Variants in MS4A8 observed in about 807,000 individuals in gnomAD.
MS4A8 encodes membrane-spanning 4-domains subfamily A member 8.
In MS4A8, 27 loss-of-function variants were observed where a neutral mutation model predicts 23.7. That is an observed-to-expected ratio of 1.14 (90% CI 0.84 to 1.57). The LOEUF (loss-of-function observed/expected upper bound fraction) is 1.57. Ranked by LOEUF, MS4A8 falls within the 40% of genes most tolerant of loss-of-function variation. The pLI is 0.00. For missense variants in MS4A8, 301 were observed against 311.4 expected (o/e 0.97, Z 0.25); for synonymous variants, 138 against 126.3 (o/e 1.09, Z -0.62).
intron 3 of MS4A8, among the ~76,000 whole-genome samples, chr11:60,706,512 C>T (rs994710280): frequency 2.6e-5 from 4 of 152,160 alleles, no homozygotes; most frequent in African/African-American, 7.2e-5. Flanking sequence ...CTTCTCCCCT[C>T]CAGAGCCCCC....
chr11:60,710,570 C>T (rs895183774), intron 5 of MS4A8, among the ~76,000 whole-genome samples: 2 of 152,148 alleles, frequency 1.3e-5, no homozygotes, highest in African/African-American at 2.4e-5. Context: ...CCTGAGCCAC[C>T]GCATCTCTCA....
In MS4A8 at chr11:60,714,915, G is replaced by A. The variant is rs1327864451; in HGVS notation, c.535-106G>A. ...CCCCCCACGAGGCTGAGAGAGGATA[G>A]GGGACTTCCGCAAAGCCACAAAGAG... On this transcript the variant is annotated intron_variant, in intron 5 of 6. Coordinates refer to ENST00000300226, the MANE Select transcript of MS4A8 (RefSeq NM_031457.2). The A allele has an allele frequency of 5.1e-6, 4 of 782,108 alleles. No homozygotes were observed. In the East Asian group the frequency reaches 9.9e-5, roughly 19 times the overall value. 48.4% of individuals were successfully genotyped at this position (782,108 alleles called of 1,614,324 possible). A position where few individuals can be genotyped will look rare whatever the true frequency, so the allele number is the denominator to read the frequency against.
chr11:60,708,401 C>G (rs2088275188), intron 4 of MS4A8, among the ~76,000 whole-genome samples: 3 of 152,134 alleles, frequency 2.0e-5, no homozygotes, highest in Admixed American at 2.0e-4. Flanking sequence ...CTGGGATTCA[C>G]ATTAAGAAAC....
chr11:60,708,585 G>A lies in MS4A8; in HGVS notation c.403-65G>A, dbSNP rs1049372578. 4 of 1,442,870 alleles carry A rather than the reference G, an allele frequency of 2.8e-6. No individual in the cohort carries two copies. The Admixed American group carries it at 7.8e-5, about 28-fold the overall frequency. The allele number at this position is 1,442,870 out of a possible 1,614,324, so 89.4% of individuals were successfully genotyped here. A position where few individuals can be genotyped will look rare whatever the true frequency, so the allele number is the denominator to read the frequency against. On this transcript the variant is annotated intron_variant, in intron 4 of 6. Coordinates refer to ENST00000300226, the MANE Select transcript of MS4A8 (RefSeq NM_031457.2). ...TGGGGGGAAAAAGAAACACTTGTTG[G>A]GTCTCCATTCATCTCAGCTATAACA...
At chr11:60,704,812 CCA>C (rs759471971) in intron 3 of MS4A8, among the ~76,000 whole-genome samples, 2,078 of 138,264 alleles carry the variant, frequency 0.015, 29 homozygotes, top group African/African-American at 0.04. Context: ...GTCCCCCTGC[CCA>C]CACACACACA....
chr11:60,714,556 G>A (rs2088326155), intron 5 of MS4A8, among the ~76,000 whole-genome samples: 1 of 152,084 alleles, frequency 6.6e-6, no homozygotes, highest in African/African-American at 2.4e-5. Flanking sequence ...CTTGCTTTGG[G>A]AAGTCTTCAT....
chr11:60,710,742 G>T (rs1293336894), intron 5 of MS4A8, among the ~76,000 whole-genome samples: 1 of 152,156 alleles, frequency 6.6e-6, no homozygotes, highest in Non-Finnish European at 1.5e-5. Flanking sequence ...CCTTCCAGCA[G>T]CCTGAAGATG....
intron 5 of MS4A8, among the ~76,000 whole-genome samples, chr11:60,709,839 C>A (rs79377023): frequency 0.046 from 6,971 of 152,230 alleles, 506 homozygotes; most frequent in African/African-American, 0.16. Flanking sequence ...CAAACCAACC[C>A]ACCTCCTCTT....
intron 5 of MS4A8, among the ~76,000 whole-genome samples, chr11:60,710,563 G>A (rs1033777134): frequency 1.3e-5 from 2 of 152,048 alleles, no homozygotes; most frequent in African/African-American, 4.8e-5. Context: ...ACGCTGGCCT[G>A]AGCCACCGCA....
intron 5 of MS4A8, among the ~76,000 whole-genome samples, chr11:60,710,365 C>T (rs980562075): frequency 6.6e-6 from 1 of 152,228 alleles, no homozygotes; most frequent in African/African-American, 2.4e-5. Flanking sequence ...CAAACCTTCT[C>T]TACTCAGTTT....
chr11:60,705,223 G>A (rs1207954625), intron 3 of MS4A8, among the ~76,000 whole-genome samples: 1 of 152,188 alleles, frequency 6.6e-6, no homozygotes, highest in South Asian at 2.1e-4. Flanking sequence ...ACCTGTTCCT[G>A]TATCTCTGAC....
chr11:60,713,673 C>G (rs7103200), intron 5 of MS4A8, among the ~76,000 whole-genome samples: 6,945 of 151,916 alleles, frequency 0.046, 500 homozygotes, highest in African/African-American at 0.16. Flanking sequence ...CTGCAAAGAG[C>G]CGTTCCTTCC....
At chr11:60,703,525 G>A (rs747861551) in intron 3 of MS4A8, 25 bp downstream of exon 3, 11 of 1,603,604 alleles carry the variant, frequency 6.9e-6, no homozygotes, top group South Asian at 6.7e-5. Flanking sequence ...TCCTCCTGCC[G>A]ATGAGCTCCC....
intron 4 of MS4A8, among the ~76,000 whole-genome samples, 197 bp from the exon 5 acceptor site, chr11:60,708,453 G>A (rs2088275630): frequency 6.6e-6 from 1 of 152,176 alleles, no homozygotes; most frequent in African/African-American, 2.4e-5. Context: ...TGGTGGCAAT[G>A]GTTGCACAGC....
At chr11:60,700,528 A>G (rs2088193665) in intron 1 of MS4A8, among the ~76,000 whole-genome samples, 1 of 152,144 alleles carries the variant, frequency 6.6e-6, no homozygotes, top group African/African-American at 2.4e-5. Flanking sequence ...CCTGGGTGAC[A>G]GAGCCAGACT....
chr11:60,713,331 C>T (rs1456152582), intron 5 of MS4A8, among the ~76,000 whole-genome samples: 1 of 152,146 alleles, frequency 6.6e-6, no homozygotes, highest in African/African-American at 2.4e-5. Flanking sequence ...AGAGGATCCA[C>T]GTGGGCACTG....
chr11:60,711,248 A>G (rs2088297757), intron 5 of MS4A8, among the ~76,000 whole-genome samples: 1 of 152,240 alleles, frequency 6.6e-6, no homozygotes, highest in Non-Finnish European at 1.5e-5. Flanking sequence ...TGAATGTGCC[A>G]GCTGTGATGC....
At position 60,703,415 on chromosome 11, in the gene MS4A8, T is replaced by C. The variant is rs1426650008; in HGVS notation, c.257T>C (p.Leu86Pro). 1 of 1,604,432 alleles carries C rather than the reference T, an allele frequency of 6.2e-7. No homozygotes were observed. Among genetic ancestry groups the C allele is most frequent in the Admixed American group, 1.7e-5 (1 of 58,376 alleles). ...QIIIGLAHIGLGSIMATVLVG... is the reference protein window; with the variant it reads ...QIIIGLAHIGPGSIMATVLVG... ...ATCATTGGCCTGGCTCACATCGGCC[T>C]CGGCTCCATCATGGCGACGGTTCTC... Residue 86 changes from leucine to proline, a missense_variant, in exon 3 of 7, where the codon CTC becomes CCC. By Grantham distance (98) the Leu-to-Pro change is moderately conservative. Transcript: ENST00000300226.
chr11:60,704,155 C>G (rs778923555), intron 3 of MS4A8, among the ~76,000 whole-genome samples: 29 of 133,958 alleles, frequency 2.2e-4, no homozygotes, highest in Non-Finnish European at 2.6e-4. Flanking sequence ...GAGTCTCACT[C>G]TGTCGCCCAA....
Sources: allele counts gnomAD v4.1 joint callset (sites outside exome capture counted in the v4.1 genomes callset), GRCh38; gene constraint gnomAD v4.1.1; transcripts MANE v1.5; gene names NCBI Gene and HGNC (gene_info 2026-07-23, HGNC 2026-07-21).